The following RPS6KA1 variants were observed in gnomAD, a reference collection of about 807,000 sequenced individuals.
RPS6KA1 encodes ribosomal protein S6 kinase alpha-1.
Under a neutral mutation model 91.3 loss-of-function variants are expected in RPS6KA1, and 48 were observed. That is an observed-to-expected ratio of 0.53 (90% CI 0.42 to 0.67). The LOEUF is 0.67. Among genes scored for constraint, RPS6KA1 ranks in the 30% least tolerant of loss-of-function variants. RPS6KA1 has a pLI of 0.00. For missense variants in RPS6KA1, 719 were observed against 960.5 expected (o/e 0.75, Z 3.32); for synonymous variants, 359 against 384.7 (o/e 0.93, Z 0.78).
At chr1:26,566,933 G>A (rs2076207658) in intron 17 of RPS6KA1, among the ~76,000 whole-genome samples, 1 of 152,196 alleles carries the variant, frequency 6.6e-6, no homozygotes, top group South Asian at 2.1e-4. Context: ...TGCTCCTGAA[G>A]ATGCTGCTGC....
At chr1:26,548,563 T>C (rs2076017462) in intron 4 of RPS6KA1, among the ~76,000 whole-genome samples, 1 of 152,082 alleles carries the variant, frequency 6.6e-6, no homozygotes, top group South Asian at 2.1e-4. Context: ...TTTGGAAAGC[T>C]GAGGCGAGTG....
At position 26,562,678 on chromosome 1, in the gene RPS6KA1, T is replaced by C. The variant is rs1200956287; in HGVS notation, c.1590+1015T>C. Reference sequence around the variant, plus strand: ...ATTAGCTTCTCTCTGCATGAGATAATGTTTTAGGGTGCATCTGATCAGACA... The same window carrying C: ...ATTAGCTTCTCTCTGCATGAGATAACGTTTTAGGGTGCATCTGATCAGACA... On this transcript the variant is annotated intron_variant, in intron 17 of 21. Transcript: ENST00000374168. 3.9e-5 allele frequency among the ~76,000 whole-genome samples: 6 copies of C among 152,050 alleles called. No individual in the cohort carries two copies. In the East Asian group the frequency reaches 1.2e-3, roughly 29 times the overall value.
chr1:26,562,825 C>CTTTTTTTTT (rs748764001), intron 17 of RPS6KA1, among the ~76,000 whole-genome samples: 3 of 81,444 alleles, frequency 3.7e-5, no homozygotes, highest in African/African-American at 5.1e-5. Flanking sequence ...TCCTATTGTC[C>CTTTTTTTTT]TTTTTTTTTT....
In RPS6KA1 at chr1:26,543,285, T is replaced by TG. The variant is rs2075963093; in HGVS notation, c.109-3577dup. ...ACCATGACTGGGCAAGGAATGGGTT[T>TG]GGGGGTGGCTCTGTCCCTTGGGATT... On this transcript the variant is annotated intron_variant, in intron 2 of 21. Coordinates refer to ENST00000374168, the MANE Select transcript of RPS6KA1 (RefSeq NM_002953.4). The TG allele has an allele frequency of 1.1e-5, 14 of 1,269,792 alleles. No homozygotes were observed. The East Asian group carries it at 3.0e-4, about 27-fold the overall frequency. 78.7% of individuals were successfully genotyped at this position (1,269,792 alleles called of 1,614,324 possible). A position where few individuals can be genotyped will look rare whatever the true frequency, so the allele number is the denominator to read the frequency against.
In RPS6KA1 at chr1:26,560,897, C is replaced by T. The variant is rs116816766; in HGVS notation, c.1341+46C>T. ...TCGGCCAAGGCTGCTGGGTTGGGGG[C>T]AGGTCCCCGTCTGGTGGGGAGGGAT... On this transcript the variant is annotated intron_variant, in intron 15 of 21. Transcript: ENST00000374168. 4.9e-4 allele frequency: 783 copies of T among 1,613,098 alleles called. 2 individuals carry two copies. The African/African-American group carries it at 7.5e-3, about 16-fold the overall frequency.
At chr1:26,563,364 A>G (rs1336512242) in intron 17 of RPS6KA1, among the ~76,000 whole-genome samples, 1 of 151,614 alleles carries the variant, frequency 6.6e-6, no homozygotes, top group Non-Finnish European at 1.5e-5. Context: ...AATAGCGGGG[A>G]CCACAGGCAC....
intron 1 of RPS6KA1, chr1:26,530,695 G>A (rs2075861151): frequency 8.1e-7 from 1 of 1,241,804 alleles, no homozygotes; most frequent in Non-Finnish European, 1.0e-6. Flanking sequence ...TGGGGAGTTT[G>A]GCTTCTGCCA....
intron 1 of RPS6KA1, among the ~76,000 whole-genome samples, chr1:26,534,969 G>A (rs1237915664): frequency 6.6e-6 from 1 of 152,208 alleles, no homozygotes; most frequent in Non-Finnish European, 1.5e-5. Flanking sequence ...TGAGTTGAGT[G>A]CAGCAGTTGC....
intron 2 of RPS6KA1, among the ~76,000 whole-genome samples, chr1:26,542,417 G>T (rs1429457648): frequency 6.6e-6 from 1 of 152,258 alleles, no homozygotes; most frequent in Non-Finnish European, 1.5e-5. Flanking sequence ...CTGCATAGGG[G>T]TTGTCTGCGG....
rs537157616 is a variant in RPS6KA1, at chr1:26,560,962, G to A, written c.1342-83G>A. The A allele has an allele frequency of 2.7e-5, 43 of 1,596,692 alleles. No homozygotes were observed. In the East Asian group the frequency reaches 2.9e-4, roughly 11 times the overall value. ...GCAGATGTATGAAAGGTGTGTGGCCGAGACCTCCTGGCCTGCTCCATGGCC... is the reference window on the plus strand; with the variant it reads ...GCAGATGTATGAAAGGTGTGTGGCCAAGACCTCCTGGCCTGCTCCATGGCC... On this transcript the variant is annotated intron_variant, in intron 15 of 21. Transcript: ENST00000374168.
At chr1:26,556,797 C>T (rs1016068543) in intron 12 of RPS6KA1, 79 bp downstream of exon 12, 1 of 1,541,732 alleles carries the variant, frequency 6.5e-7, no homozygotes, top group South Asian at 1.1e-5. Flanking sequence ...GGAGGGGAGC[C>T]TCTGCCAGCG....
chr1:26,557,003 A>G lies in RPS6KA1; in HGVS notation c.987A>G (p.Leu329=), dbSNP rs2076107800. 5 of 1,613,602 alleles carry G rather than the reference A, an allele frequency of 3.1e-6. No individual in the cohort carries two copies. Among genetic ancestry groups the G allele is most frequent in the Non-Finnish European group, 2.5e-6 (3 of 1,179,542 alleles). The change falls in exon 13 of 22, where the codon CTA becomes CTG. Residue 329 remains leucine, a synonymous_variant. Transcript: ENST00000374168. ...GTGCCCACCCCACTGTGCAGAAGCT[A>G]TACCGTCGTGAGATCAAGCCACCCT... The part of the protein sequence containing the change: ...VFYSTIDWNK[L]YRREIKPPFK...
Position 26,551,613 on chromosome 1 carries a change from A to C in RPS6KA1, c.389-31A>C, listed in dbSNP as rs1179685755. On this transcript the variant is annotated intron_variant, in intron 5 of 21. Coordinates refer to ENST00000374168, the MANE Select transcript of RPS6KA1 (RefSeq NM_002953.4). This position sits in a 1 kb window ranked among gnomAD's most constrained non-coding sequence, Gnocchi z 4.5. ...AGAAGCAGATCATAAGGCCGCGCCG[A>C]CTCTACCATTGCCTTTCTCCCTCTT... The C allele has an allele frequency of 1.9e-6, 3 of 1,608,782 alleles. No individual in the cohort carries two copies. The African/African-American group carries it at 4.0e-5, about 22-fold the overall frequency.
intron 2 of RPS6KA1, among the ~76,000 whole-genome samples, chr1:26,544,437 G>C (rs1424409275): frequency 6.6e-6 from 1 of 151,744 alleles, no homozygotes; most frequent in Non-Finnish European, 1.5e-5. Flanking sequence ...GTCACCATCT[G>C]TCTCTGCCTT....
rs552006830 is a variant in RPS6KA1 at position 26,542,861 on chromosome 1, T to C, written c.109-4006T>C. ...ACGTGGATGTTTGCGGGTGCTGATA[T>C]GCCCACTGTGACACTGCGTTATCGC... On this transcript the variant is annotated intron_variant, in intron 2 of 21. Coordinates refer to ENST00000374168, the MANE Select transcript of RPS6KA1 (RefSeq NM_002953.4). 1.7e-3 allele frequency among the ~76,000 whole-genome samples: 259 copies of C among 152,338 alleles called. 1 individual carries two copies. The highest frequency in any genetic ancestry group is 0.014 in the South Asian group (69 of 4,830).
chr1:26,555,792 G>A lies in RPS6KA1; in HGVS notation c.916+167G>A, dbSNP rs566944707. On this transcript the variant is annotated intron_variant, in intron 11 of 21. Transcript: ENST00000374168. This position sits in a 1 kb window ranked among gnomAD's most constrained non-coding sequence, Gnocchi z 4.3. ...CTGGCTCCATGTGTGGTGTTGTGGA[G>A]GGGGGAGTTGACCTGTGTGTAGGGG... 3.3e-5 allele frequency among the ~76,000 whole-genome samples: 5 copies of A among 152,262 alleles called. No individual in the cohort carries two copies. Among genetic ancestry groups the A allele is most frequent in the African/African-American group, 1.2e-4 (5 of 41,556 alleles).
chr1:26,538,181 A>C (rs2075920504), intron 2 of RPS6KA1, among the ~76,000 whole-genome samples: 1 of 152,138 alleles, frequency 6.6e-6, no homozygotes, highest in African/African-American at 2.4e-5. Context: ...AGAGGCCAGT[A>C]AATAGTGTGG....
intron 1 of RPS6KA1, among the ~76,000 whole-genome samples, chr1:26,536,027 G>A (rs146610027): frequency 0.04 from 6,023 of 152,116 alleles, 192 homozygotes; most frequent in Non-Finnish European, 0.057. Context: ...GGTGGCGTAC[G>A]CCTGTAATCC....
chr1:26,533,917 AC>A (rs1218951875), intron 1 of RPS6KA1, among the ~76,000 whole-genome samples: 2 of 149,900 alleles, frequency 1.3e-5, no homozygotes, highest in Non-Finnish European at 3.0e-5. Context: ...AACCCCCCTG[AC>A]CCCCCTACCA....
Sources: gnomAD v4.1 joint callset for allele counts (sites outside exome capture counted in the v4.1 genomes callset) on GRCh38, gnomAD v4.1.1 for gene constraint, Gnocchi (gnomAD v3.1) non-coding constraint, MANE v1.5 for transcripts, NCBI Gene and HGNC (gene_info 2026-07-23, HGNC 2026-07-21) for gene names.